The following TMPRSS15 variants were observed in gnomAD, a reference collection of about 807,000 sequenced individuals.
TMPRSS15 encodes the protein transmembrane serine protease 15.
In TMPRSS15, 128 loss-of-function variants were observed where a neutral mutation model predicts 125.3. The ratio of observed to expected loss-of-function variants is 1.02; its 90% CI spans 0.89 to 1.18. TMPRSS15 has a LOEUF of 1.18. Among genes scored for constraint, TMPRSS15 ranks in the 50% most tolerant of loss-of-function variants. The pLI is 0.00. For missense variants in TMPRSS15, 1,283 were observed against 1,212.7 expected (o/e 1.06, Z -0.86); for synonymous variants, 446 against 423.2 (o/e 1.05, Z -0.66).
At chr21:18,429,646 C>T (rs2076212185) in intron 1 of TMPRSS15, among the ~76,000 whole-genome samples, 1 of 152,156 alleles carries the variant, frequency 6.6e-6, no homozygotes, top group African/African-American at 2.4e-5. Flanking sequence ...CAACTTCTGC[C>T]ATGATTCTGA....
At chr21:18,327,967 C>A (rs577600466) in intron 15 of TMPRSS15, among the ~76,000 whole-genome samples, 9 of 152,052 alleles carry the variant, frequency 5.9e-5, no homozygotes, top group Non-Finnish European at 1.0e-4. Context: ...GCAGGAGGAT[C>A]GCTTAAACCA....
chr21:18,284,964 G>A (rs778095089), intron 21 of TMPRSS15, among the ~76,000 whole-genome samples: 1 of 151,150 alleles, frequency 6.6e-6, no homozygotes, highest in Admixed American at 6.6e-5. Context: ...TTGTGCCATT[G>A]CACTCCAGCC....
intron 18 of TMPRSS15, among the ~76,000 whole-genome samples, chr21:18,305,190 T>TTTC (rs977417622): frequency 7.6e-6 from 1 of 131,538 alleles, no homozygotes; most frequent in African/African-American, 3.1e-5. Context: ...GTACTTTTTT[T>TTTC]TTTTTTTTTT....
At chr21:18,365,591 CTTCCTTCCTTCT>C (rs2075721758) in intron 6 of TMPRSS15, among the ~76,000 whole-genome samples, 1 of 116,860 alleles carries the variant, frequency 8.6e-6, no homozygotes, top group African/African-American at 3.4e-5. Flanking sequence ...TTTTTCCTTC[CTTCCTTCCTTCT>C]TTCCTTCCTT....
chr21:18,321,374 A>G (rs1172678924), intron 16 of TMPRSS15, among the ~76,000 whole-genome samples: 1 of 68,406 alleles, frequency 1.5e-5, no homozygotes, highest in Non-Finnish European at 2.5e-5. Flanking sequence ...TTTTTTTGAG[A>G]CGGAGTCTCA....
At position 18,313,063 on chromosome 21, in the gene TMPRSS15, CATT is replaced by C; in HGVS notation, c.2044_2046del (p.Asn682del). 1 of 1,613,546 alleles carries C rather than the reference CATT, an allele frequency of 6.2e-7. No homozygotes were observed. The highest frequency in any genetic ancestry group is 8.5e-7 in the Non-Finnish European group (1 of 1,179,772). On this transcript the variant is annotated inframe_deletion, in exon 18 of 25. Coordinates refer to ENST00000284885, the MANE Select transcript of TMPRSS15 (RefSeq NM_002772.3). Reference sequence around the variant, plus strand: ...ACTAAACCATTGTTGTTCGTTGTGCCATTGAAAAAACGCACTAAAGACACAGAG... The same window carrying C: ...ACTAAACCATTGTTGTTCGTTGTGCCGAAAAAACGCACTAAAGACACAGAG...
chr21:18,397,294 C>A (rs1464669223), intron 3 of TMPRSS15, among the ~76,000 whole-genome samples: 1 of 151,820 alleles, frequency 6.6e-6, no homozygotes, highest in African/African-American at 2.4e-5. Context: ...TTTTTTGTGA[C>A]AAATACAAAA....
chr21:18,350,641 T>C (rs2075558457), intron 10 of TMPRSS15, among the ~76,000 whole-genome samples: 1 of 152,132 alleles, frequency 6.6e-6, no homozygotes, highest in Non-Finnish European at 1.5e-5. Context: ...CTGCTCATCT[T>C]CTTCTAATTT....
intron 24 of TMPRSS15, among the ~76,000 whole-genome samples, chr21:18,274,839 AGTTT>A (rs1415263390): frequency 1.3e-5 from 2 of 152,152 alleles, no homozygotes; most frequent in Non-Finnish European, 2.9e-5. Context: ...GTTTGTTTTA[AGTTT>A]GCATGGGGTT....
At chr21:18,354,916 A>G (rs2075609416) in intron 8 of TMPRSS15, among the ~76,000 whole-genome samples, 1 of 151,848 alleles carries the variant, frequency 6.6e-6, no homozygotes, top group African/African-American at 2.4e-5. Context: ...GAAAAGAGAT[A>G]CTTTTATGAA....
At chr21:18,307,770 C>A (rs2207385) in intron 18 of TMPRSS15, among the ~76,000 whole-genome samples, 51,715 of 151,664 alleles carry the variant, frequency 0.34, 10,673 homozygotes, top group East Asian at 0.55. Flanking sequence ...TGCTATCAGC[C>A]AACTAACAGG....
chr21:18,383,640 G>A lies in TMPRSS15; in HGVS notation c.483C>T (p.Ser161=), dbSNP rs571792561. ...GTTCACACATACCTAGGATATCAAC[G>A]CTGTTCAAATCAATATGGAAAGTGA... ...QLVTFHIDLN[S]VDILDKLTTT... is the part of the protein sequence containing the mutation. Residue 161 remains serine, a synonymous_variant, in exon 4 of 25, where the codon AGC becomes AGT. Transcript: ENST00000284885. The A allele has an allele frequency of 4.0e-5, 65 of 1,613,672 alleles. No homozygotes were observed. The East Asian group carries it at 1.1e-3, about 27-fold the overall frequency.
At chr21:18,462,889 T>G (rs1255283735) in intron 1 of TMPRSS15, among the ~76,000 whole-genome samples, 2 of 151,626 alleles carry the variant, frequency 1.3e-5, no homozygotes, top group Non-Finnish European at 2.9e-5. Context: ...CCAGAGAGAG[T>G]GAGGGCCAAT....
chr21:18,318,898 C>A (rs139990080), intron 16 of TMPRSS15, among the ~76,000 whole-genome samples: 1 of 151,918 alleles, frequency 6.6e-6, no homozygotes, highest in African/African-American at 2.4e-5. Context: ...TTTCACAAAG[C>A]AGGGAATAAG....
Position 18,343,617 on chromosome 21 carries a change from A to G in TMPRSS15, c.1317T>C (p.Ile439=). Residue 439 remains isoleucine (I), a synonymous_variant, in exon 12 of 25, where the codon ATT becomes ATC. Transcript: ENST00000284885. ...MYGENVHKLS[I]NISNDQNMEK... ...CCATATTTTGGTCATTGCTGATATT[A>G]ATGCTTAATTTATGGACATTTTCAC... is the stretch of plus-strand genomic sequence containing the variant. 1 of 1,613,658 alleles carries G rather than the reference A, an allele frequency of 6.2e-7. No homozygotes were observed. Among genetic ancestry groups the G allele is most frequent in the Non-Finnish European group, 8.5e-7 (1 of 1,179,728 alleles).
chr21:18,354,485 T>C (rs1346862679), intron 8 of TMPRSS15, among the ~76,000 whole-genome samples: 1 of 151,748 alleles, frequency 6.6e-6, no homozygotes, highest in Non-Finnish European at 1.5e-5. Flanking sequence ...AGCTTCCATA[T>C]GATGCTTTAC....
chr21:18,467,009 C>G (rs1432879282), intron 1 of TMPRSS15, among the ~76,000 whole-genome samples: 4 of 152,086 alleles, frequency 2.6e-5, no homozygotes, highest in Admixed American at 6.6e-5. Flanking sequence ...GGAACCAACC[C>G]AAATGCCCAT....
intron 5 of TMPRSS15, among the ~76,000 whole-genome samples, chr21:18,374,786 G>A (rs1417479722): frequency 2.0e-5 from 3 of 152,094 alleles, no homozygotes; most frequent in African/African-American, 7.2e-5. Flanking sequence ...CATGAAAGAT[G>A]AGGGCTAGAA....
In TMPRSS15 at chr21:18,418,953, T is replaced by A. The variant is rs62215001; in HGVS notation, c.11-20624A>T. Reference sequence around the variant, plus strand: ...CTGAAAGCCGACCATACAAGTTAGATCATTCTTGTCATACCCAACTAAATC... The same window carrying A: ...CTGAAAGCCGACCATACAAGTTAGAACATTCTTGTCATACCCAACTAAATC... On this transcript the variant is annotated intron_variant, in intron 1 of 7. Transcript: ENST00000422787. 1.4e-3 allele frequency among the ~76,000 whole-genome samples: 220 copies of A among 152,284 alleles called. 3 individuals carry two copies. The highest frequency in any genetic ancestry group is 1.7e-3 in the Non-Finnish European group (119 of 68,028).
Sources: gnomAD v4.1 joint callset for allele counts (sites outside exome capture counted in the v4.1 genomes callset) on GRCh38, gnomAD v4.1.1 for gene constraint, MANE v1.5 for transcripts, NCBI Gene and HGNC (gene_info 2026-07-23, HGNC 2026-07-21) for gene names.